Variants in NEGR1 observed in about 807,000 individuals in gnomAD.
The protein encoded by NEGR1 is IgLON family member 4.
NEGR1 carries 10 observed loss-of-function variants against 40.9 expected under a neutral mutation model. The observed-to-expected ratio is 0.24, with a 90% confidence interval of 0.15 to 0.42. NEGR1 has a LOEUF of 0.42. Among genes scored for constraint, NEGR1 ranks in the 10% least tolerant of loss-of-function variants. The pLI, the probability that NEGR1 is intolerant of heterozygous loss-of-function variation, is 1.00. For synonymous variants in NEGR1, 185 were observed against 166.8 expected, an observed-to-expected ratio of 1.11 and a Z score of -0.84; for missense variants, 352 against 438.9, an observed-to-expected ratio of 0.80 and a Z score of 1.77.
chr1:71,898,053 T>C (rs1661019826), intron 2 of NEGR1, among the ~76,000 whole-genome samples: 1 of 152,212 alleles, frequency 6.6e-6, no homozygotes, highest in South Asian at 2.1e-4. Context: ...CAGTTACTAT[T>C]GTGCTGTGGC....
intron 1 of NEGR1, among the ~76,000 whole-genome samples, chr1:72,016,854 G>A (rs1646715267): frequency 6.6e-6 from 1 of 152,054 alleles, no homozygotes; most frequent in South Asian, 2.1e-4. Context: ...ACAATTTCTG[G>A]ATCATTTTGT....
At chr1:71,504,886 T>G (rs917320202) in intron 6 of NEGR1, among the ~76,000 whole-genome samples, 4 of 151,956 alleles carry the variant, frequency 2.6e-5, no homozygotes, top group Admixed American at 2.6e-4. Flanking sequence ...AGATTGGGTT[T>G]AGGATCAGGA....
intron 3 of NEGR1, among the ~76,000 whole-genome samples, chr1:71,745,548 T>TC (rs397864037): frequency 6.6e-6 from 1 of 151,586 alleles, no homozygotes; most frequent in Non-Finnish European, 1.5e-5. Context: ...ACTAACCTAT[T>TC]CTTGAGACTG....
At chr1:71,682,065 G>A (rs987098055) in intron 4 of NEGR1, among the ~76,000 whole-genome samples, 2 of 152,086 alleles carry the variant, frequency 1.3e-5, no homozygotes, top group African/African-American at 4.8e-5. Flanking sequence ...GGCCTCAAGC[G>A]ATCCACCCAT....
intron 4 of NEGR1, among the ~76,000 whole-genome samples, chr1:71,682,008 G>T (rs1652855180): frequency 6.6e-6 from 1 of 151,490 alleles, no homozygotes; most frequent in Non-Finnish European, 1.5e-5. Flanking sequence ...TGTATTTTTA[G>T]TAGAGATGGG....
chr1:71,955,295 A>G (rs934428165), intron 1 of NEGR1, among the ~76,000 whole-genome samples: 28 of 152,312 alleles, frequency 1.8e-4, no homozygotes, highest in African/African-American at 6.5e-4. Flanking sequence ...TTAATGGCAC[A>G]GTCCTGAATA....
At chr1:72,044,901 T>G (rs1317114165) in intron 1 of NEGR1, among the ~76,000 whole-genome samples, 2 of 151,878 alleles carry the variant, frequency 1.3e-5, no homozygotes, top group Non-Finnish European at 2.9e-5. Flanking sequence ...AATTCAGCAT[T>G]ACTTCATAAT....
intron 1 of NEGR1, among the ~76,000 whole-genome samples, chr1:71,981,987 T>C (rs1372106130): frequency 6.6e-6 from 1 of 152,200 alleles, no homozygotes; most frequent in Non-Finnish European, 1.5e-5. Context: ...TAATGTTTAA[T>C]GTCTTGTTTG....
intron 6 of NEGR1, among the ~76,000 whole-genome samples, chr1:71,467,041 G>A (rs1327287064): frequency 2.0e-5 from 3 of 152,014 alleles, no homozygotes; most frequent in African/African-American, 7.2e-5. Flanking sequence ...AGAAGATTTA[G>A]CCTCTGTCCA....
intron 2 of NEGR1, among the ~76,000 whole-genome samples, chr1:71,894,060 TG>T (rs1262361620): frequency 9.5e-6 from 1 of 105,654 alleles, no homozygotes; most frequent in Non-Finnish European, 1.9e-5. Context: ...TATCACACTC[TG>T]GGGACTGTGG....
intron 1 of NEGR1, among the ~76,000 whole-genome samples, chr1:72,254,061 C>G (rs1288993085): frequency 6.6e-6 from 1 of 152,176 alleles, no homozygotes; most frequent in Non-Finnish European, 1.5e-5. Context: ...ACTAGAATGG[C>G]CTACATTACC....
At chr1:72,205,657 C>T (rs1485927062) in intron 1 of NEGR1, among the ~76,000 whole-genome samples, 1 of 143,548 alleles carries the variant, frequency 7.0e-6, no homozygotes, top group Non-Finnish European at 1.5e-5. Flanking sequence ...TGGCTCATGC[C>T]TATAATCCTA....
chr1:71,569,148 C>G (rs1481206472), intron 6 of NEGR1, among the ~76,000 whole-genome samples: 4 of 152,022 alleles, frequency 2.6e-5, no homozygotes. Context: ...GATCTCCTGA[C>G]CTCGTGATCC....
chr1:72,112,449 T>G (rs1481558567), intron 1 of NEGR1, among the ~76,000 whole-genome samples: 3 of 151,774 alleles, frequency 2.0e-5, no homozygotes, highest in African/African-American at 7.2e-5. Flanking sequence ...ATATCCTACT[T>G]TTTCTTCTTC....
intron 2 of NEGR1, among the ~76,000 whole-genome samples, chr1:71,813,204 CTTGT>C (rs1429742000): frequency 6.6e-6 from 1 of 152,038 alleles, no homozygotes; most frequent in African/African-American, 2.4e-5. Flanking sequence ...TTCCCCATTG[CTTGT>C]TTTTGTCAGG....
chr1:71,547,278 T>C (rs1647930654), intron 6 of NEGR1, among the ~76,000 whole-genome samples: 1 of 151,788 alleles, frequency 6.6e-6, no homozygotes. Context: ...TGTTGTCTGG[T>C]ACTGCCCATC....
In NEGR1 at chr1:71,884,472, T is replaced by C. The variant is rs1660669663; in HGVS notation, c.409+50607A>G. On this transcript the variant is annotated intron_variant, in intron 2 of 6. Transcript: ENST00000357731. ...CAAAGCTTCTCAACTGCTAATTTTA[T>C]TATTTGATAGACCAACAAAAGCAAA... 2.0e-5 allele frequency among the ~76,000 whole-genome samples: 3 copies of C among 152,346 alleles called. No individual in the cohort carries two copies. The South Asian group carries it at 6.2e-4, about 32-fold the overall frequency.
chr1:72,256,447 GTTTA>G (rs1239947009), intron 1 of NEGR1, among the ~76,000 whole-genome samples: 1 of 152,112 alleles, frequency 6.6e-6, no homozygotes, highest in Non-Finnish European at 1.5e-5. Flanking sequence ...TGTGCTTTTT[GTTTA>G]TTTGTGTATC....
At chr1:71,843,286 A>C (rs1659305082) in intron 2 of NEGR1, among the ~76,000 whole-genome samples, 1 of 152,132 alleles carries the variant, frequency 6.6e-6, no homozygotes, top group Non-Finnish European at 1.5e-5. Flanking sequence ...TTTGGAGATA[A>C]ATAGACTTAG....
Sources: gnomAD v4.1 joint callset for allele counts (sites outside exome capture counted in the v4.1 genomes callset) on GRCh38, gnomAD v4.1.1 for gene constraint, MANE v1.5 for transcripts, NCBI Gene and HGNC (gene_info 2026-07-23, HGNC 2026-07-21) for gene names.